ZNF641: variants seen among roughly 807,000 people sequenced by gnomAD.
ZNF641 encodes zinc finger protein 641.
In ZNF641, 26 loss-of-function variants were observed where a neutral mutation model predicts 46.2. That is an observed-to-expected ratio of 0.56 (90% CI 0.41 to 0.78). ZNF641 has a LOEUF of 0.78. Ranked by LOEUF, ZNF641 falls within the 30% of genes least tolerant of loss-of-function variation. The pLI is 0.00. For missense variants in ZNF641, 469 were observed against 517.8 expected (o/e 0.91, Z 0.91); for synonymous variants, 163 against 187.9 (o/e 0.87, Z 1.09).
chr12:48,342,047 G>T lies in ZNF641; in HGVS notation c.*926C>A. The T allele has an allele frequency of 1.0e-6, 1 of 985,452 alleles. No individual in the cohort carries two copies. Among genetic ancestry groups the T allele is most frequent in the Non-Finnish European group, 1.2e-6 (1 of 829,970 alleles). The allele number at this position is 985,452 out of a possible 1,614,324, so 61.0% of individuals were successfully genotyped here. A position where few individuals can be genotyped will look rare whatever the true frequency, so the allele number is the denominator to read the frequency against. On this transcript the variant is annotated 3_prime_UTR_variant, in exon 6 of 6. Transcript: ENST00000547026. Reference sequence around the variant, plus strand: ...ATAGCATGCTGTCTTCAAAGACCCTGCACACAAATACACAGACACATAAAG... The same window carrying T: ...ATAGCATGCTGTCTTCAAAGACCCTTCACACAAATACACAGACACATAAAG...
rs1952670037 is a variant in ZNF641 at position 48,339,399 on chromosome 12, T to A, written c.*3574A>T. 6.6e-6 allele frequency: 1 copy of A among 152,184 alleles called. No homozygotes were observed. Among genetic ancestry groups the A allele is most frequent in the Non-Finnish European group, 1.5e-5 (1 of 68,044 alleles). 9.4% of individuals were successfully genotyped at this position (152,184 alleles called of 1,614,324 possible). ...TGAACGTTGAGCTCCTTCCCGAGTT[T>A]CTGATTCAGTAGTTCTCCTGGGGCG... On this transcript the variant is annotated 3_prime_UTR_variant, in exon 6 of 6. Coordinates refer to ENST00000547026, the MANE Select transcript of ZNF641 (RefSeq NM_001172681.2).
rs1487079946 is a variant in ZNF641 at position 48,339,306 on chromosome 12, TC to T, written c.*3666del. ...GAGGTACCACTGCTTGAAATATGAA[TC>T]CCCTAGCCAGTGGTTCTCAAACTTT... On this transcript the variant is annotated 3_prime_UTR_variant, in exon 6 of 6. Transcript: ENST00000547026. 1 of 152,068 alleles carries T rather than the reference TC, an allele frequency of 6.6e-6. No homozygotes were observed. Among genetic ancestry groups the T allele is most frequent in the Non-Finnish European group, 1.5e-5 (1 of 68,014 alleles). 9.4% of individuals were successfully genotyped at this position (152,068 alleles called of 1,614,324 possible).
At chr12:48,334,590 G>A (rs1952590512), downstream of ZNF641, among the ~76,000 whole-genome samples, 1 of 90,434 alleles carries the variant, frequency 1.1e-5, no homozygotes, top group Non-Finnish European at 3.4e-5. Context: ...AACTATCTTT[G>A]CAGCACCGTA....
intron 5 of ZNF641, 43 bp downstream of exon 5, chr12:48,344,556 G>A (rs562052039): frequency 1.5e-5 from 19 of 1,290,396 alleles, no homozygotes; most frequent in Middle Eastern, 1.9e-4. Flanking sequence ...ATGATGTCCC[G>A]AACTGTGAAG....
Position 48,348,102 on chromosome 12 carries a change from A to C in ZNF641, c.-12T>G, listed in dbSNP as rs776577063. On this transcript the variant is annotated 5_prime_UTR_variant, in exon 2 of 6. Transcript: ENST00000547026. Reference sequence around the variant, plus strand: ...TGTTCTGAAAGCATTTCTGCTGCAGACCCAAATTGTGACCTGGAACAAATT... The same window carrying C: ...TGTTCTGAAAGCATTTCTGCTGCAGCCCCAAATTGTGACCTGGAACAAATT... 2 of 1,614,124 alleles carry C rather than the reference A, an allele frequency of 1.2e-6. No individual in the cohort carries two copies. Among genetic ancestry groups the C allele is most frequent in the South Asian group, 2.2e-5 (2 of 91,082 alleles).
At position 48,342,896 on chromosome 12, in the gene ZNF641, G is replaced by A. The variant is rs191705480; in HGVS notation, c.*77C>T. 1.2e-4 allele frequency: 184 copies of A among 1,524,180 alleles called. 2 individuals are homozygous for A. The East Asian group carries it at 3.8e-3, about 32-fold the overall frequency. 94.4% of individuals were successfully genotyped at this position (1,524,180 alleles called of 1,614,324 possible). ...TTATGATTCTGGCCACTGGGGTTCA[G>A]GAGAACGGCAGCCCTGGCAGTGACT... On this transcript the variant is annotated 3_prime_UTR_variant, in exon 6 of 6. Transcript: ENST00000547026.
Position 48,343,452 on chromosome 12 carries a change from C to G in ZNF641, c.796G>C (p.Ala266Pro), listed in dbSNP as rs771828985. ...GKQFVWGSHL[A>P]RHQQTHTGER... The stretch of plus-strand genomic sequence containing the variant: ...CCAGTGTGTGTTTGTTGATGCCTGG[C>G]AAGGTGGGAACCCCATACAAACTGT... Residue 266 changes from alanine (A) to proline (P), a missense_variant, in exon 6 of 6, where the codon GCC becomes CCC. Ala to Pro is a conservative substitution (Grantham distance 27, BLOSUM62 -1). Coordinates refer to ENST00000547026, the MANE Select transcript of ZNF641 (RefSeq NM_001172681.2). 1 of 1,614,098 alleles carries G rather than the reference C, an allele frequency of 6.2e-7. No individual in the cohort carries two copies. The highest frequency in any genetic ancestry group is 8.5e-7 in the Non-Finnish European group (1 of 1,179,962).
downstream of ZNF641, chr12:48,337,162 A>C (rs1952615415): frequency 6.6e-6 from 1 of 152,274 alleles, no homozygotes; most frequent in Admixed American, 6.5e-5. Context: ...AGTGAAGAAG[A>C]CCTAGAGAAC....
upstream of ZNF641, chr12:48,350,928 G>A: frequency 1.1e-6 from 1 of 902,174 alleles, no homozygotes; most frequent in Non-Finnish European, 1.3e-6. Flanking sequence ...GCGCGGGCGG[G>A]GCGGGGCGGG....
chr12:48,343,621 A>T lies in ZNF641; in HGVS notation c.627T>A (p.Asp209Glu). 6.2e-7 allele frequency: 1 copy of T among 1,600,622 alleles called. No individual in the cohort carries two copies. Among genetic ancestry groups the T allele is most frequent in the Non-Finnish European group, 8.5e-7 (1 of 1,173,158 alleles). ...EDTVLWNPEH[D>E]ESWDSMPSSS... ...TGCTGGGCATGGAATCCCAGCTCTC[A>T]TCATGCTCCGGGTTCCAGAGAACAG... is the stretch of plus-strand genomic sequence containing the variant. Residue 209 changes from aspartate to glutamate, a missense_variant, in exon 6 of 6, where the codon GAT (aspartate) becomes GAA (glutamate). Physicochemically the swap from Asp to Glu is conservative, Grantham distance 45 (BLOSUM62 2). This residue lies in a region of ZNF641 where 346 missense variants were observed against 354.0 expected (regional missense o/e 0.98). Coordinates refer to ENST00000547026, the MANE Select transcript of ZNF641 (RefSeq NM_001172681.2).
Position 48,340,525 on chromosome 12 carries a change from C to A in ZNF641, c.*2448G>T. ...AAGACCAGACTCCATCCTTATACCA[C>A]TGATGCCTCTGGTACCTTAATCCTT... On this transcript the variant is annotated 3_prime_UTR_variant, in exon 6 of 6. Coordinates refer to ENST00000547026, the MANE Select transcript of ZNF641 (RefSeq NM_001172681.2). The A allele has an allele frequency of 1.0e-6, 1 of 985,184 alleles. No individual in the cohort carries two copies. The highest frequency in any genetic ancestry group is 1.2e-6 in the Non-Finnish European group (1 of 829,870). 61.0% of individuals were successfully genotyped at this position (985,184 alleles called of 1,614,324 possible). A position where few individuals can be genotyped will look rare whatever the true frequency, so the allele number is the denominator to read the frequency against.
rs1952838682 is a variant in ZNF641 at position 48,345,326 on chromosome 12, T to C, written c.406+19A>G. The C allele has an allele frequency of 1.2e-6, 2 of 1,613,140 alleles. No individual in the cohort carries two copies. The highest frequency in any genetic ancestry group is 1.7e-6 in the Non-Finnish European group (2 of 1,179,470). ...TCCCAGAGTCCAATCTTCTAGTGGC[T>C]GGAGAAGGTCATGCTTACTCAGAGA... On this transcript the variant is annotated intron_variant, in intron 4 of 5. Transcript: ENST00000547026.
At chr12:48,345,661 G>A (rs1470790737) in intron 3 of ZNF641, among the ~76,000 whole-genome samples, 187 bp from the exon 4 acceptor site, 1 of 152,192 alleles carries the variant, frequency 6.6e-6, no homozygotes, top group African/African-American at 2.4e-5. Context: ...AAGGTAGATG[G>A]TCAAGGAGTG....
At chr12:48,350,179 CA>C in intron 1 of ZNF641, 6 of 1,574,064 alleles carry the variant, frequency 3.8e-6, no homozygotes, top group Non-Finnish European at 5.2e-6. Context: ...CTAGGGCTTT[CA>C]TTTCCCCCTT....
At position 48,348,029 on chromosome 12, in the gene ZNF641, T is replaced by C. The variant is rs780730904; in HGVS notation, c.62A>G (p.Asp21Gly). The C allele has an allele frequency of 5.6e-6, 9 of 1,614,220 alleles. No homozygotes were observed. The South Asian group carries it at 9.9e-5, about 18-fold the overall frequency. ...TGWESMNVQL[D>G]GAEPQVERGS... Reference sequence around the variant, plus strand: ...CCTTTCCACCTGGGGCTCTGCTCCATCCAGCTGTACATTCATTGATTCCCA... The same window carrying C: ...CCTTTCCACCTGGGGCTCTGCTCCACCCAGCTGTACATTCATTGATTCCCA... The change falls in exon 2 of 6, where the codon GAT becomes GGT. Residue 21 changes from aspartate (D) to glycine (G), a missense_variant. By Grantham distance (94) the Asp-to-Gly change is moderately conservative. Coordinates refer to ENST00000547026, the MANE Select transcript of ZNF641 (RefSeq NM_001172681.2).
downstream of ZNF641, among the ~76,000 whole-genome samples, chr12:48,335,894 T>C (rs544351530): frequency 4.6e-4 from 70 of 152,332 alleles, no homozygotes; most frequent in Admixed American, 1.4e-3. Flanking sequence ...TCAAAGCAAA[T>C]TGAATGACCC....
downstream of ZNF641, among the ~76,000 whole-genome samples, chr12:48,335,397 A>G (rs537983082): frequency 4.6e-5 from 7 of 152,308 alleles, no homozygotes; most frequent in African/African-American, 1.7e-4. Flanking sequence ...TAGGATGGGA[A>G]TGATACTGGG....
Position 48,344,587 on chromosome 12 carries a change from C to T in ZNF641, c.520+12G>A, listed in dbSNP as rs2136180071. ...TGAAGGAAGTGGCTGAAAGCCTATT[C>T]TAGGTTCTTACCTGTATATGTGACC... is the stretch of plus-strand genomic sequence containing the variant. On this transcript the variant is annotated intron_variant, in intron 5 of 5. Transcript: ENST00000547026. The T allele has an allele frequency of 6.4e-7, 1 of 1,565,062 alleles. No homozygotes were observed. The highest frequency in any genetic ancestry group is 8.8e-7 in the Non-Finnish European group (1 of 1,138,232).
At position 48,338,418 on chromosome 12, in the gene ZNF641, T is replaced by C. The variant is rs1329934307; in HGVS notation, c.*4555A>G. 6.6e-6 allele frequency: 1 copy of C among 152,290 alleles called. No individual in the cohort carries two copies. Among genetic ancestry groups the C allele is most frequent in the Non-Finnish European group, 1.5e-5 (1 of 68,100 alleles). 9.4% of individuals were successfully genotyped at this position (152,290 alleles called of 1,614,324 possible). ...GGTGGCAGGAAAGAGGGAGACAGCA[T>C]GAGGCCTGGAGTTGAAGAAAGTCTC... On this transcript the variant is annotated 3_prime_UTR_variant, in exon 6 of 6. Coordinates refer to ENST00000547026, the MANE Select transcript of ZNF641 (RefSeq NM_001172681.2).
Sources: gnomAD v4.1 joint callset for allele counts (sites outside exome capture counted in the v4.1 genomes callset) on GRCh38, gnomAD v4.1.1 for gene constraint, gnomAD v4.1.1 regional missense constraint, MANE v1.5 for transcripts, NCBI Gene and HGNC (gene_info 2026-07-23, HGNC 2026-07-21) for gene names.